The following PCDHA11 variants were observed in gnomAD, a reference collection of about 807,000 sequenced individuals.
PCDHA11 encodes the protein protocadherin alpha-11.
PCDHA11 carries 61 observed loss-of-function variants against 70.3 expected under a neutral mutation model. The observed-to-expected ratio is 0.87, with a 90% CI of 0.71 to 1.07. PCDHA11 has a LOEUF of 1.07. Ranked by LOEUF, PCDHA11 falls within the 50% of genes least tolerant of loss-of-function variation. The pLI is 0.00. For missense variants in PCDHA11, 1,324 were observed against 1,237.5 expected (o/e 1.07, Z -1.05); for synonymous variants, 633 against 555.1 (o/e 1.14, Z -1.97).
chr5:140,968,859 C>T, intron 1 of PCDHA11: 1 of 1,614,184 alleles, frequency 6.2e-7, no homozygotes, highest in Non-Finnish European at 8.5e-7. Context: ...GTTAAGAGCC[C>T]TCGGACATAC....
chr5:140,923,468 G>A (rs2081380588), intron 1 of PCDHA11, among the ~76,000 whole-genome samples: 1 of 152,098 alleles, frequency 6.6e-6, no homozygotes, highest in Admixed American at 6.5e-5. Context: ...GGTAGGGGCT[G>A]CAGTGAGCCA....
In PCDHA11 at chr5:140,870,702, G is replaced by A; in HGVS notation, c.1599G>A (p.Gln533=). 2 of 1,613,072 alleles carry A rather than the reference G, an allele frequency of 1.2e-6. No homozygotes were observed. The highest frequency in any genetic ancestry group is 1.3e-5 in the African/African-American group (1 of 75,052). ...AGGAGCTGGAGCTGCTACAGTTCCA[G>A]GTGAGCGCGCGCGATGCGGGCGTGC... ...DHEELELLQF[Q]VSARDAGVPP... Residue 533 remains glutamine (Q), a synonymous_variant, in exon 1 of 4, where the codon CAG becomes CAA. Coordinates refer to ENST00000398640, the MANE Select transcript of PCDHA11 (RefSeq NM_018902.5).
chr5:140,934,941 T>C (rs1397192075), intron 1 of PCDHA11, among the ~76,000 whole-genome samples: 4 of 152,172 alleles, frequency 2.6e-5, no homozygotes, highest in African/African-American at 9.6e-5. Context: ...AAAACTAGTA[T>C]AGAGAGATCC....
At chr5:140,935,639 T>A (rs1377571192) in intron 1 of PCDHA11, among the ~76,000 whole-genome samples, 2 of 152,192 alleles carry the variant, frequency 1.3e-5, no homozygotes, top group African/African-American at 4.8e-5. Context: ...AGGGCTTGCT[T>A]TTTAAATTTT....
intron 1 of PCDHA11, chr5:140,926,544 C>G (rs9765406): frequency 0.16 from 35,740 of 221,378 alleles, 3,305 homozygotes; most frequent in African/African-American, 0.26. Context: ...GCGTGGTGGT[C>G]GAGACCCCAG....
chr5:140,902,555 T>C (rs538054274), intron 1 of PCDHA11, among the ~76,000 whole-genome samples: 1 of 152,182 alleles, frequency 6.6e-6, no homozygotes, highest in Non-Finnish European at 1.5e-5. Flanking sequence ...TATACCCAGA[T>C]TTTTGAGGGT....
At chr5:140,987,722 T>C (rs2097265966) in intron 3 of PCDHA11, among the ~76,000 whole-genome samples, 1 of 152,204 alleles carries the variant, frequency 6.6e-6, no homozygotes, top group Admixed American at 6.5e-5. Context: ...GAGTCTATCC[T>C]ACAGCTTCAA....
intron 1 of PCDHA11, among the ~76,000 whole-genome samples, chr5:140,892,939 C>G (rs1583111138): frequency 6.6e-6 from 1 of 152,188 alleles, no homozygotes; most frequent in Non-Finnish European, 1.5e-5. Context: ...CTGATAAGCA[C>G]AATACTACTT....
At chr5:140,877,391 C>T (rs782042077) in intron 1 of PCDHA11, 21 of 1,613,950 alleles carry the variant, frequency 1.3e-5, no homozygotes, top group Non-Finnish European at 1.8e-5. Flanking sequence ...CTGGATGAGG[C>T]GGACGCTCCG....
At position 140,869,919 on chromosome 5, in the gene PCDHA11, A is replaced by G. The variant is rs1554163602; in HGVS notation, c.816A>G (p.Gly272=). The change falls in exon 1 of 4, where the codon GGA becomes GGG. Residue 272 remains glycine (G), a synonymous_variant. Coordinates refer to ENST00000398640, the MANE Select transcript of PCDHA11 (RefSeq NM_018902.5). ...TAAACGCCACAGACCGAGACGAAGG[A>G]GTCAATGGAGAGGTAACATACTCCT... The part of the protein sequence containing the change: ...LKLNATDRDE[G]VNGEVTYSLM... The G allele has an allele frequency of 1.9e-6, 3 of 1,611,440 alleles. No individual in the cohort carries two copies.
chr5:140,883,960 G>A (rs2059914384), intron 1 of PCDHA11: 1 of 1,613,090 alleles, frequency 6.2e-7, no homozygotes. Context: ...ACGCTCCGGC[G>A]CTGCTGACGC....
chr5:140,883,702 T>G (rs367854871), intron 1 of PCDHA11: 3 of 1,613,750 alleles, frequency 1.9e-6, no homozygotes, highest in Non-Finnish European at 2.5e-6. Flanking sequence ...TCACGGTGTC[T>G]GCTCAGGACG....
chr5:140,992,807 C>T (rs781970284), intron 3 of PCDHA11, among the ~76,000 whole-genome samples: 2 of 152,226 alleles, frequency 1.3e-5, no homozygotes, highest in African/African-American at 4.8e-5. Flanking sequence ...CCATATGTAT[C>T]TAAGGATGTG....
At chr5:140,892,592 C>T (rs1053889046) in intron 1 of PCDHA11, among the ~76,000 whole-genome samples, 2 of 152,214 alleles carry the variant, frequency 1.3e-5, no homozygotes, top group Admixed American at 6.5e-5. Context: ...TATTCATTCA[C>T]CTATTTTTTT....
At chr5:140,882,319 G>A in intron 1 of PCDHA11, 1 of 1,614,136 alleles carries the variant, frequency 6.2e-7, no homozygotes, top group Admixed American at 1.7e-5. Context: ...TACTGCTCTG[G>A]CTTCTGATCC....
chr5:140,965,821 C>T (rs782710036), intron 1 of PCDHA11, among the ~76,000 whole-genome samples: 9 of 152,150 alleles, frequency 5.9e-5, no homozygotes, highest in Non-Finnish European at 1.0e-4. Flanking sequence ...GCATTTTAAA[C>T]ATTTAAATAT....
Position 140,891,839 on chromosome 5 carries a change from T to C in PCDHA11, c.2391+20345T>C, listed in dbSNP as rs10074902. Among the ~76,000 whole-genome samples, 663 of 152,284 alleles carry C rather than the reference T, an allele frequency of 4.4e-3. 7 individuals carry two copies. The highest frequency in any genetic ancestry group is 0.015 in the African/African-American group (618 of 41,564). On this transcript the variant is annotated intron_variant, in intron 1 of 3. Coordinates refer to ENST00000398640, the MANE Select transcript of PCDHA11 (RefSeq NM_018902.5). ...TTAACGGCACTGTAAAAGGACTTGA[T>C]GGAAGGAGCCTGTCCCTCTCTTATG...
chr5:140,996,553 A>G lies in PCDHA11; in HGVS notation c.2540-13074A>G, dbSNP rs868960335. 1.1e-4 allele frequency among the ~76,000 whole-genome samples: 16 copies of G among 152,172 alleles called. No individual in the cohort carries two copies. In the South Asian group the frequency reaches 2.7e-3, roughly 26 times the overall value. On this transcript the variant is annotated intron_variant, in intron 3 of 3. Transcript: ENST00000398640. The stretch of plus-strand genomic sequence containing the variant: ...TGTGTTTTGATATTATGCTGTCACT[A>G]TCTTGAAGTTCTTGATAATTTGTTA...
intron 1 of PCDHA11, chr5:140,883,984 C>G: frequency 6.2e-7 from 1 of 1,612,820 alleles, no homozygotes; most frequent in East Asian, 2.2e-5. Flanking sequence ...GGGCTGGCAG[C>G]GCGGGAGGCA....
Sources: gnomAD v4.1 joint callset for allele counts (sites outside exome capture counted in the v4.1 genomes callset) on GRCh38, gnomAD v4.1.1 for gene constraint, MANE v1.5 for transcripts, NCBI Gene and HGNC (gene_info 2026-07-23, HGNC 2026-07-21) for gene names.